The following TMC4 variants were observed in gnomAD, a reference collection of about 807,000 sequenced individuals.
The protein encoded by TMC4 is voltage-gated chloride channel TMC4.
Under a neutral mutation model 82.0 loss-of-function variants are expected in TMC4, and 70 were observed. That is an observed-to-expected ratio of 0.85 (90% CI 0.70 to 1.04). The LOEUF (loss-of-function observed/expected upper bound fraction) is 1.04, where lower values mean the gene tolerates loss of function less well. Among genes scored for constraint, TMC4 ranks in the 50% least tolerant of loss-of-function variants. The pLI, the probability that TMC4 is intolerant of heterozygous loss-of-function variation, is 0.00. For missense variants in TMC4, 879 were observed against 899.0 expected, an observed-to-expected ratio of 0.98 and a Z score of 0.28; for synonymous variants, 446 against 406.0, an observed-to-expected ratio of 1.10 and a Z score of -1.18.
At chr19:54,160,720 T>A in intron 13 of TMC4, 158 bp downstream of exon 13, 1 of 1,407,032 alleles carries the variant, frequency 7.1e-7, no homozygotes, top group Admixed American at 2.3e-5. Flanking sequence ...CCCGCCCACC[T>A]CCTCCTTCGG....
chr19:54,172,987 C>T (rs2075948780), intron 1 of TMC4, 52 bp downstream of exon 1: 17 of 1,535,830 alleles, frequency 1.1e-5, no homozygotes, highest in Non-Finnish European at 1.4e-5. Context: ...CAGCAGGACT[C>T]CCACCTAGCC....
rs959212316 is a variant in TMC4 at position 54,164,790 on chromosome 19, C to A, written c.946-189G>T. 5 of 734,368 alleles carry A rather than the reference C, an allele frequency of 6.8e-6. No homozygotes were observed. The African/African-American group carries it at 7.1e-5, about 10-fold the overall frequency. The allele number at this position is 734,368 out of a possible 1,614,324, so 45.5% of individuals were successfully genotyped here. Reference sequence around the variant, plus strand: ...CCAGCGGCCCTTTACAGCCCCGCCCCTTCGCGGCCGGATCCAGCAACCCAA... The same window carrying A: ...CCAGCGGCCCTTTACAGCCCCGCCCATTCGCGGCCGGATCCAGCAACCCAA... On this transcript the variant is annotated intron_variant, in intron 6 of 14. Coordinates refer to ENST00000619895, the MANE Select transcript of TMC4 (RefSeq NM_144686.4).
At position 54,162,186 on chromosome 19, in the gene TMC4, C is replaced by T. The variant is rs756674689; in HGVS notation, c.1602G>A (p.Thr534=). ...DEVLGLIYAQ[T]VVWVGSFFCP... ...AGAAAAAACTCCCCACCCAGACCAC[C>T]GTCTGCGCGTAGATGAGCCCCAGCA... The change falls in exon 11 of 15, where the codon ACG becomes ACA. Residue 534 remains threonine, a synonymous_variant. Coordinates refer to ENST00000619895, the MANE Select transcript of TMC4 (RefSeq NM_144686.4). The T allele has an allele frequency of 1.2e-6, 2 of 1,613,592 alleles. No individual in the cohort carries two copies. The highest frequency in any genetic ancestry group is 1.3e-5 in the African/African-American group (1 of 74,874).
chr19:54,165,937 G>A (rs1320618320), intron 5 of TMC4, among the ~76,000 whole-genome samples: 1 of 152,096 alleles, frequency 6.6e-6, no homozygotes, highest in Non-Finnish European at 1.5e-5. Flanking sequence ...GAGAAAGGGA[G>A]AAAAAGACAG....
Position 54,168,225 on chromosome 19 carries a change from T to G in TMC4, c.743A>C (p.Tyr248Ser), listed in dbSNP as rs569592750. ...GCCAACGGCAAAGGCCCAGCACAGG[T>G]AGGTGACCGCCAGGCGTGGGCGGGG... ...YPPRPRLAVT[Y>S]LCWAFAVGLI... The change falls in exon 5 of 15, where the codon TAC (tyrosine) becomes TCC (serine). Residue 248 changes from tyrosine (Y) to serine (S), a missense_variant. Coordinates refer to ENST00000619895, the MANE Select transcript of TMC4 (RefSeq NM_144686.4). The G allele has an allele frequency of 6.3e-6, 10 of 1,589,198 alleles. No individual in the cohort carries two copies. Among genetic ancestry groups the G allele is most frequent in the Non-Finnish European group, 7.7e-6 (9 of 1,167,540 alleles).
intron 2 of TMC4, among the ~76,000 whole-genome samples, chr19:54,170,059 C>T (rs188451706): frequency 6.6e-6 from 1 of 151,932 alleles, no homozygotes; most frequent in Non-Finnish European, 1.5e-5. Flanking sequence ...TGAGATGGCG[C>T]CATTGCATTC....
chr19:54,168,395 A>G, intron 4 of TMC4, 53 bp downstream of exon 4: 1 of 1,516,702 alleles, frequency 6.6e-7, no homozygotes, highest in Non-Finnish European at 8.9e-7. Flanking sequence ...GTGTCATTGA[A>G]GGCACTGGGG....
Position 54,163,833 on chromosome 19 carries a change from G to A in TMC4, c.1168C>T (p.Pro390Ser), listed in dbSNP as rs34483966. Residue 390 changes from proline (P) to serine (S), a missense_variant, in exon 8 of 15, where the codon CCG becomes TCG. Coordinates refer to ENST00000619895, the MANE Select transcript of TMC4 (RefSeq NM_144686.4). ...PLLKLGVNYL[P>S]SIFIAGVNFV... ...TTGACCCCAGCGATGAAGATGGACG[G>A]AAGGTAATTCACCCCAAGCTTCAGC... 7.1e-5 allele frequency: 114 copies of A among 1,613,918 alleles called. No individual in the cohort carries two copies. The Admixed American group carries it at 1.9e-3, about 27-fold the overall frequency.
Position 54,162,454 on chromosome 19 carries a change from T to C in TMC4, c.1503-169A>G, listed in dbSNP as rs905239483. On this transcript the variant is annotated intron_variant, in intron 10 of 14. Transcript: ENST00000619895. ...GGGGGTGTGTCCAGAGGGCGGGTCC[T>C]GAGGACTAGAAGGGACCCAGATGTC... is the stretch of plus-strand genomic sequence containing the variant. 9.6e-5 allele frequency among the ~76,000 whole-genome samples: 14 copies of C among 145,476 alleles called. No homozygotes were observed. In the East Asian group the frequency reaches 2.3e-3, roughly 23 times the overall value.
At chr19:54,164,708 G>GCC in intron 6 of TMC4, 107 bp from the exon 7 acceptor site, 1 of 1,427,918 alleles carries the variant, frequency 7.0e-7, no homozygotes, top group Non-Finnish European at 9.6e-7. Context: ...AACTGATGCA[G>GCC]CCGTCTCCCC....
Position 54,172,047 on chromosome 19 carries a change from C to G in TMC4, c.116G>C (p.Ser39Thr). 6.2e-7 allele frequency: 1 copy of G among 1,612,030 alleles called. No individual in the cohort carries two copies. The highest frequency in any genetic ancestry group is 8.5e-7 in the Non-Finnish European group (1 of 1,178,946). The change falls in exon 2 of 15, where the codon AGT becomes ACT. Residue 39 changes from serine to threonine, a missense_variant. Coordinates refer to ENST00000619895, the MANE Select transcript of TMC4 (RefSeq NM_144686.4). ...GTCTCGGTACCGAAGGGTGGCAGCA[C>G]TGGGCAGCTCGTTCAGCACAGAAGA... ...SLSSVLNELP[S>T]AATLRYRDPG...
chr19:54,162,759 A>T lies in TMC4; in HGVS notation c.1416T>A (p.Thr472=). ...YNYKQLPCWE[T]VLGQEMYKLL... is the part of the protein sequence containing the mutation. The stretch of plus-strand genomic sequence containing the variant: ...GTTTGTACATTTCCTGGCCCAGGAC[A>T]GTCTCCCAGCACTGAAGAAGGAAGA... Residue 472 remains threonine, a synonymous_variant, in exon 10 of 15, where the codon ACT becomes ACA. Transcript: ENST00000619895. The T allele has an allele frequency of 6.2e-7, 1 of 1,614,040 alleles. No individual in the cohort carries two copies.
chr19:54,161,602 G>A (rs780591789), intron 11 of TMC4, among the ~76,000 whole-genome samples: 2 of 151,432 alleles, frequency 1.3e-5, no homozygotes, highest in African/African-American at 2.4e-5. Context: ...GCAGTGGCAC[G>A]ATCTTGGCTC....
intron 6 of TMC4, 40 bp downstream of exon 6, chr19:54,165,379 T>C (rs1006515136): frequency 1.3e-6 from 2 of 1,560,824 alleles, no homozygotes; most frequent in Non-Finnish European, 1.7e-6. Context: ...CGGTCCTGTC[T>C]GGTCCCTACC....
intron 3 of TMC4, among the ~76,000 whole-genome samples, 182 bp downstream of exon 3, chr19:54,169,330 A>G (rs943722159): frequency 1.3e-5 from 2 of 151,640 alleles, no homozygotes; most frequent in African/African-American, 2.4e-5. Flanking sequence ...CCACCGCGCC[A>G]GGCCCAGCCG....
In TMC4 at chr19:54,162,726, G is replaced by A; in HGVS notation, c.1449C>T (p.Leu483=). 1.2e-6 allele frequency: 2 copies of A among 1,614,124 alleles called. No homozygotes were observed. The highest frequency in any genetic ancestry group is 8.5e-7 in the Non-Finnish European group (1 of 1,180,032). Residue 483 remains leucine (L), a synonymous_variant, in exon 10 of 15, where the codon CTC becomes CTT. Transcript: ENST00000619895. The part of the protein sequence containing the change: ...VLGQEMYKLL[L]FDLLTVLAVA... ...CTGCCAAGACAGTCAGCAGATCAAA[G>A]AGCAGAAGTTTGTACATTTCCTGGC...
Position 54,163,902 on chromosome 19 carries a change from G to A in TMC4, c.1114-15C>T. The A allele has an allele frequency of 6.2e-7, 1 of 1,613,600 alleles. No homozygotes were observed. The highest frequency in any genetic ancestry group is 8.5e-7 in the Non-Finnish European group (1 of 1,179,782). On this transcript the variant is annotated splice_polypyrimidine_tract_variant and intron_variant, in intron 7 of 14. Transcript: ENST00000619895. ...AGGGGCATCTCCTGGGAGCGGGATG[G>A]ACCATGAGTAGAGGCTTGGGGTCCT...
At chr19:54,171,197 C>T (rs2075880800) in intron 2 of TMC4, among the ~76,000 whole-genome samples, 1 of 136,050 alleles carries the variant, frequency 7.4e-6, no homozygotes, top group African/African-American at 2.8e-5. Context: ...CAACCTCTAT[C>T]TCCCTGGTTC....
chr19:54,162,204 C>T lies in TMC4; in HGVS notation c.1584G>A (p.Gly528=). Residue 528 remains glycine (G), a synonymous_variant, in exon 11 of 15, where the codon GGG becomes GGA. Transcript: ENST00000619895. ...QEFQVPDEVL[G]LIYAQTVVWV... ...AGACCACCGTCTGCGCGTAGATGAG[C>T]CCCAGCACCTCGTCGGGCACCTGGA... 1 of 1,613,438 alleles carries T rather than the reference C, an allele frequency of 6.2e-7. No individual in the cohort carries two copies.
Sources: allele counts gnomAD v4.1 joint callset (sites outside exome capture counted in the v4.1 genomes callset), GRCh38; gene constraint gnomAD v4.1.1; transcripts MANE v1.5; gene names NCBI Gene and HGNC (gene_info 2026-07-23, HGNC 2026-07-21).